The following EIF4ENIF1 variants were observed in gnomAD, a reference collection of about 807,000 sequenced individuals.
EIF4ENIF1 encodes the protein eukaryotic translation initiation factor 4E transporter.
EIF4ENIF1 carries 23 observed loss-of-function variants against 110.5 expected under a neutral mutation model. That is an observed-to-expected ratio of 0.21 (90% confidence interval 0.15 to 0.29). The LOEUF (loss-of-function observed/expected upper bound fraction) is 0.29, where lower values mean the gene tolerates loss of function less well. Ranked by LOEUF, EIF4ENIF1 falls within the 10% of genes least tolerant of loss-of-function variation. EIF4ENIF1 has a pLI of 1.00. For missense variants in EIF4ENIF1, 1,031 were observed against 1,221.1 expected (o/e 0.84, Z 2.32); for synonymous variants, 440 against 437.0 (o/e 1.01, Z -0.09).
upstream of EIF4ENIF1, among the ~76,000 whole-genome samples, chr22:31,491,694 C>A (rs1406829136): frequency 6.6e-6 from 1 of 152,158 alleles, no homozygotes; most frequent in South Asian, 2.1e-4. Flanking sequence ...GCTCCTGCCA[C>A]TACAGCAGGC....
intron 2 of EIF4ENIF1, among the ~76,000 whole-genome samples, chr22:31,482,805 T>TGAGATCAG (rs921112121): frequency 6.6e-6 from 1 of 151,548 alleles, no homozygotes; most frequent in Admixed American, 6.6e-5. Context: ...GGGTGGATCA[T>TGAGATCAG]GAGATCAGGA....
chr22:31,456,091 C>G (rs138600891), intron 7 of EIF4ENIF1, 104 bp from the exon 8 acceptor site: 3 of 1,168,134 alleles, frequency 2.6e-6, no homozygotes, highest in Non-Finnish European at 3.6e-6. Context: ...CTTTCATGCT[C>G]GTGACCTGAA....
chr22:31,480,392 T>C (rs1200660516), intron 2 of EIF4ENIF1, among the ~76,000 whole-genome samples: 1 of 152,214 alleles, frequency 6.6e-6, no homozygotes, highest in East Asian at 1.9e-4. Context: ...GAAACAACTA[T>C]GCATTCTGAT....
chr22:31,474,830 G>A (rs746399382), intron 2 of EIF4ENIF1, among the ~76,000 whole-genome samples: 4 of 152,120 alleles, frequency 2.6e-5, no homozygotes, highest in African/African-American at 2.4e-5. Context: ...TTCAGCACCA[G>A]TAAAATGCTG....
chr22:31,463,591 A>G lies in EIF4ENIF1; in HGVS notation c.585+90T>C, dbSNP rs571268198. The G allele has an allele frequency of 7.8e-6, 10 of 1,275,958 alleles. No homozygotes were observed. In the East Asian group the frequency reaches 2.6e-4, roughly 33 times the overall value. 79.0% of individuals were successfully genotyped at this position (1,275,958 alleles called of 1,614,324 possible). On this transcript the variant is annotated intron_variant, in intron 5 of 18. Coordinates refer to ENST00000330125, the MANE Select transcript of EIF4ENIF1 (RefSeq NM_019843.4). ...CAGATACTGGGCTGAGGCAGCAGTGAGTCAAGATCGTGCCATTGCACTCCA... is the reference window on the plus strand; with the variant it reads ...CAGATACTGGGCTGAGGCAGCAGTGGGTCAAGATCGTGCCATTGCACTCCA...
At chr22:31,442,854 T>C in intron 16 of EIF4ENIF1, 108 bp downstream of exon 16, 2 of 1,401,658 alleles carry the variant, frequency 1.4e-6, no homozygotes, top group South Asian at 1.4e-5. Flanking sequence ...GAGAAGCTAG[T>C]GGTCTTGCCC....
In EIF4ENIF1 at chr22:31,448,135, G is replaced by C; in HGVS notation, c.1848+18C>G. On this transcript the variant is annotated intron_variant, in intron 13 of 18. Coordinates refer to ENST00000330125, the MANE Select transcript of EIF4ENIF1 (RefSeq NM_019843.4). Reference sequence around the variant, plus strand: ...GAAGGGCAAGCAAGAGATTGAGTTTGAGAAAGCTCAGCCTGACCTGGGCTG... The same window carrying C: ...GAAGGGCAAGCAAGAGATTGAGTTTCAGAAAGCTCAGCCTGACCTGGGCTG... 1 of 1,613,736 alleles carries C rather than the reference G, an allele frequency of 6.2e-7. No homozygotes were observed. Among genetic ancestry groups the C allele is most frequent in the Non-Finnish European group, 8.5e-7 (1 of 1,179,648 alleles).
chr22:31,464,700 A>AAAAAAT (rs60642360), intron 4 of EIF4ENIF1, among the ~76,000 whole-genome samples: 1 of 61,352 alleles, frequency 1.6e-5, no homozygotes, highest in Non-Finnish European at 3.1e-5. Flanking sequence ...AAAAAAAAAA[A>AAAAAAT]TATATATATA....
At position 31,463,961 on chromosome 22, in the gene EIF4ENIF1, C is replaced by A. The variant is rs754839670; in HGVS notation, c.305G>T (p.Arg102Leu). Residue 102 changes from arginine (R) to leucine (L), a missense_variant, in exon 5 of 19, where the codon CGA becomes CTA. Coordinates refer to ENST00000330125, the MANE Select transcript of EIF4ENIF1 (RefSeq NM_019843.4). The part of the protein sequence containing the change: ...PSLVRRIVDP[R>L]ERVKEDDLDV... ...TAAGTCATCTTCTTTCACACGCTCT[C>A]GTGGATCTGGAAGGACGTGGGAAAG... 1.4e-5 allele frequency: 22 copies of A among 1,611,328 alleles called. No individual in the cohort carries two copies. The highest frequency in any genetic ancestry group is 1.8e-5 in the Non-Finnish European group (21 of 1,179,162).
At chr22:31,471,025 AAAAAG>A (rs1329812687) in intron 3 of EIF4ENIF1, among the ~76,000 whole-genome samples, 3 of 151,858 alleles carry the variant, frequency 2.0e-5, no homozygotes, top group Non-Finnish European at 2.9e-5. Flanking sequence ...ACAAAAAAAA[AAAAAG>A]AAAAGAAATG....
chr22:31,458,814 C>A (rs769186761), intron 6 of EIF4ENIF1, among the ~76,000 whole-genome samples, 164 bp from the exon 7 acceptor site: 2 of 151,876 alleles, frequency 1.3e-5, no homozygotes, highest in Non-Finnish European at 2.9e-5. Context: ...CCCCCTTCTA[C>A]GGGAGGCAGA....
intron 7 of EIF4ENIF1, 90 bp downstream of exon 7, chr22:31,458,385 G>T: frequency 8.5e-7 from 1 of 1,177,548 alleles, no homozygotes. Flanking sequence ...AACCCCAAAA[G>T]CATCTAGCAA....
chr22:31,485,570 C>T (rs1169753634), intron 2 of EIF4ENIF1, among the ~76,000 whole-genome samples: 2 of 152,156 alleles, frequency 1.3e-5, no homozygotes, highest in African/African-American at 4.8e-5. Context: ...GTGGCTCACA[C>T]CTATAATCCC....
At chr22:31,448,024 C>T (rs753619498) in intron 13 of EIF4ENIF1, 129 bp downstream of exon 13, 13 of 996,320 alleles carry the variant, frequency 1.3e-5, no homozygotes, top group East Asian at 2.4e-5. Flanking sequence ...GCTGGGATTA[C>T]GGGCATGAGC....
Position 31,454,284 on chromosome 22 carries a change from T to C in EIF4ENIF1, c.1372A>G (p.Met458Val), listed in dbSNP as rs1367556050. ...DQQVKNSTPFMAEHLEETLSA... is the reference protein window; with the variant it reads ...DQQVKNSTPFVAEHLEETLSA... ...AAGGTCTCTTCTAGGTGTTCTGCCA[T>C]GAAGGGAGTTGAATTCTTCACTTGC... Residue 458 changes from methionine to valine, a missense_variant, in exon 10 of 19, where the codon ATG becomes GTG. Physicochemically the swap from Met to Val is conservative, Grantham distance 21 (BLOSUM62 1). Coordinates refer to ENST00000330125, the MANE Select transcript of EIF4ENIF1 (RefSeq NM_019843.4). 6 of 1,614,162 alleles carry C rather than the reference T, an allele frequency of 3.7e-6. No homozygotes were observed. In the Admixed American group the frequency reaches 8.3e-5, roughly 22 times the overall value.
rs2050754329 is a variant in EIF4ENIF1, at chr22:31,454,295, G to A, written c.1361C>T (p.Ser454Leu). 2.5e-6 allele frequency: 4 copies of A among 1,614,024 alleles called. No individual in the cohort carries two copies. Among genetic ancestry groups the A allele is most frequent in the Non-Finnish European group, 2.5e-6 (3 of 1,180,038 alleles). Residue 454 changes from serine (S) to leucine (L), a missense_variant, in exon 10 of 19, where the codon TCA (serine) becomes TTA (leucine). Ser to Leu is a moderately radical substitution (Grantham distance 145). Coordinates refer to ENST00000330125, the MANE Select transcript of EIF4ENIF1 (RefSeq NM_019843.4). Reference sequence around the variant, plus strand: ...TAGGTGTTCTGCCATGAAGGGAGTTGAATTCTTCACTTGCTGGTCAACCTT... The same window carrying A: ...TAGGTGTTCTGCCATGAAGGGAGTTAAATTCTTCACTTGCTGGTCAACCTT... ...GLKVDQQVKN[S>L]TPFMAEHLEE...
chr22:31,474,758 GCCT>G (rs1337342960), intron 2 of EIF4ENIF1, among the ~76,000 whole-genome samples: 6 of 152,070 alleles, frequency 3.9e-5, no homozygotes, highest in Admixed American at 2.0e-4. Flanking sequence ...ACAAACTACT[GCCT>G]CCTTTTGGTA....
downstream of EIF4ENIF1, chr22:31,437,121 TC>T (rs2145876620): frequency 6.6e-6 from 1 of 152,314 alleles, no homozygotes; most frequent in South Asian, 2.1e-4. Context: ...CATTCCCACT[TC>T]CTTTTACCAC....
At chr22:31,443,806 CTTT>C (rs386395221) in intron 15 of EIF4ENIF1, among the ~76,000 whole-genome samples, 3 of 129,132 alleles carry the variant, frequency 2.3e-5, no homozygotes, top group African/African-American at 2.8e-5. Context: ...GGGAATGAAC[CTTT>C]TTTTTTTTTT....
Sources: allele counts gnomAD v4.1 joint callset (sites outside exome capture counted in the v4.1 genomes callset), GRCh38; gene constraint gnomAD v4.1.1; transcripts MANE v1.5; gene names NCBI Gene and HGNC (gene_info 2026-07-23, HGNC 2026-07-21).